Variants in KCNC4 observed in about 807,000 individuals in gnomAD.
KCNC4 encodes the protein potassium voltage-gated channel subfamily C member 4.
KCNC4 carries 23 observed loss-of-function variants against 42.8 expected under a neutral mutation model. The observed-to-expected ratio is 0.54, with a 90% CI of 0.39 to 0.76. KCNC4 has a LOEUF of 0.76. KCNC4 is among the 30% of genes least tolerant of loss of function. The pLI, the probability that KCNC4 is intolerant of heterozygous loss-of-function variation, is 0.00. For synonymous variants in KCNC4, 422 were observed against 393.5 expected, an observed-to-expected ratio of 1.07 and a Z score of -0.86; for missense variants, 751 against 898.2, an observed-to-expected ratio of 0.84 and a Z score of 2.10.
At chr1:110,246,288 T>C (rs1332445598) in exon 4 of KCNC4, 1 of 152,254 alleles carries the variant, frequency 6.6e-6, no homozygotes, top group African/African-American at 2.4e-5. Flanking sequence ...TGCTTTCTTC[T>C]TCCTGTATTT....
intron 1 of KCNC4, among the ~76,000 whole-genome samples, chr1:110,260,170 G>C (rs1047558056): frequency 1.3e-5 from 2 of 152,222 alleles, no homozygotes; most frequent in African/African-American, 4.8e-5. Context: ...AGAAGTCCCT[G>C]AGAATTAAAA....
intron 1 of KCNC4, among the ~76,000 whole-genome samples, chr1:110,280,309 G>A (rs1659800030): frequency 6.6e-6 from 1 of 152,132 alleles, no homozygotes; most frequent in Non-Finnish European, 1.5e-5. Context: ...CCTTCAAACA[G>A]AGAGATTCTG....
intron 1 of KCNC4, among the ~76,000 whole-genome samples, chr1:110,275,157 C>G (rs571067019): frequency 7.9e-5 from 12 of 151,720 alleles, no homozygotes; most frequent in African/African-American, 2.9e-4. Flanking sequence ...CAAACAACAA[C>G]AAAAGCAAAA....
downstream of KCNC4, among the ~76,000 whole-genome samples, chr1:110,283,929 C>T (rs1314751758): frequency 6.6e-6 from 1 of 152,190 alleles, no homozygotes; most frequent in African/African-American, 2.4e-5. Flanking sequence ...GCTGAGGCAT[C>T]ACTAAATGGA....
At chr1:110,230,345 C>T (rs1425469531) in intron 3 of KCNC4, among the ~76,000 whole-genome samples, 1 of 152,178 alleles carries the variant, frequency 6.6e-6, no homozygotes, top group Non-Finnish European at 1.5e-5. Flanking sequence ...GCCTGTGGAA[C>T]AGGATGGAGA....
At chr1:110,260,861 C>T (rs1659412805) in intron 1 of KCNC4, among the ~76,000 whole-genome samples, 2 of 152,096 alleles carry the variant, frequency 1.3e-5, no homozygotes, top group Admixed American at 1.3e-4. Context: ...ACCGGGGAGG[C>T]GGAGCTTGCA....
At chr1:110,214,734 G>GT (rs1208308502) in intron 1 of KCNC4, among the ~76,000 whole-genome samples, 1 of 152,226 alleles carries the variant, frequency 6.6e-6, no homozygotes, top group African/African-American at 2.4e-5. Flanking sequence ...GAACTAGGCT[G>GT]TTTTTGAGGC....
chr1:110,231,419 A>T (rs1360931727), intron 3 of KCNC4, among the ~76,000 whole-genome samples: 1 of 152,190 alleles, frequency 6.6e-6, no homozygotes, highest in African/African-American at 2.4e-5. Flanking sequence ...TGGAGAGTCC[A>T]TGGAAGCCAG....
At chr1:110,276,282 T>C (rs1383096250) in intron 1 of KCNC4, among the ~76,000 whole-genome samples, 2 of 129,026 alleles carry the variant, frequency 1.6e-5, no homozygotes, top group Non-Finnish European at 1.6e-5. Flanking sequence ...GCTGCACTTA[T>C]ATCCTTTCAA....
chr1:110,247,120 G>C (rs1659166596), exon 4 of KCNC4: 1 of 151,904 alleles, frequency 6.6e-6, no homozygotes, highest in Non-Finnish European at 1.5e-5. Flanking sequence ...ACGTGTATGT[G>C]TATCACATTT....
At chr1:110,257,632 A>G (rs1431357507) in intron 1 of KCNC4, among the ~76,000 whole-genome samples, 2 of 149,656 alleles carry the variant, frequency 1.3e-5, no homozygotes, top group African/African-American at 4.9e-5. Context: ...GAGGCAGGAG[A>G]ATGGCGTGAA....
In KCNC4 at chr1:110,226,085, C is replaced by T. The variant is rs754018819; in HGVS notation, c.1726C>T (p.Arg576Cys). ...PTPEERRALR[R>C]STTRDRNKKA... ...CCCCGAGGAGCGCCGGGCCCTGCGA[C>T]GCTCCACCACTCGAGACAGAAACAA... Residue 576 changes from arginine (R) to cysteine (C), a missense_variant, in exon 3 of 4, where the codon CGC (arginine) becomes TGC (cysteine). Around this residue, in one of 4 missense-constraint regions of KCNC4, gnomAD observed 202 missense variants for 181.5 expected, o/e 1.11. Coordinates refer to ENST00000438661, the MANE Select transcript of KCNC4 (RefSeq NM_001039574.3). The T allele has an allele frequency of 7.4e-6, 12 of 1,614,028 alleles. No homozygotes were observed. Among genetic ancestry groups the T allele is most frequent in the African/African-American group, 4.0e-5 (3 of 74,932 alleles).
chr1:110,210,878 G>C lies in KCNC4; in HGVS notation c.-622G>C, dbSNP rs957209190. Among the ~76,000 whole-genome samples the C allele has an allele frequency of 3.3e-5, 5 of 152,188 alleles. No individual in the cohort carries two copies. The highest frequency in any genetic ancestry group is 9.6e-5 in the African/African-American group (4 of 41,458). ...CGCCTGCCTTCCTCGCCCGGCGCTG[G>C]ATTTATGAATGGGGGGAAGAGGCCA... On this transcript the variant is annotated 5_prime_UTR_variant, in exon 1 of 4. Transcript: ENST00000438661.
intron 3 of KCNC4, among the ~76,000 whole-genome samples, chr1:110,230,713 G>C (rs1658651682): frequency 6.6e-6 from 1 of 152,182 alleles, no homozygotes; most frequent in Admixed American, 6.5e-5. Flanking sequence ...ATCCCTCCTG[G>C]CTCTCTGGCT....
Position 110,225,860 on chromosome 1 carries a change from T to C in KCNC4, c.1616-115T>C, listed in dbSNP as rs1571044385. On this transcript the variant is annotated intron_variant, in intron 2 of 3. Coordinates refer to ENST00000438661, the MANE Select transcript of KCNC4 (RefSeq NM_001039574.3). ...GCAATGCTGCCTCTCAGGTAGATGCTAGGCCCCTCCCAAGGTTGAGGAAGT... is the reference window on the plus strand; with the variant it reads ...GCAATGCTGCCTCTCAGGTAGATGCCAGGCCCCTCCCAAGGTTGAGGAAGT... 6 of 988,162 alleles carry C rather than the reference T, an allele frequency of 6.1e-6. No individual in the cohort carries two copies. In the East Asian group the frequency reaches 1.5e-4, roughly 24 times the overall value. 61.2% of individuals were successfully genotyped at this position (988,162 alleles called of 1,614,324 possible).
At chr1:110,260,726 C>T (rs770189681) in intron 1 of KCNC4, among the ~76,000 whole-genome samples, 1 of 152,058 alleles carries the variant, frequency 6.6e-6, no homozygotes, top group East Asian at 1.9e-4. Flanking sequence ...GTCAGGAGAT[C>T]GAGACAATCC....
downstream of KCNC4, chr1:110,238,958 C>T (rs1428043676): frequency 6.6e-6 from 1 of 152,174 alleles, no homozygotes; most frequent in Non-Finnish European, 1.5e-5. Flanking sequence ...GTATTCCAAC[C>T]TATTACCAAG....
chr1:110,238,085 G>A (rs909091358), downstream of KCNC4: 1 of 152,250 alleles, frequency 6.6e-6, no homozygotes, highest in Non-Finnish European at 1.5e-5. Context: ...GCTTTAGGGG[G>A]TGAGGAGAGG....
At chr1:110,273,080 G>A (rs1337798355) in intron 1 of KCNC4, among the ~76,000 whole-genome samples, 1 of 152,186 alleles carries the variant, frequency 6.6e-6, no homozygotes, top group Non-Finnish European at 1.5e-5. Context: ...AGAGGAAGGA[G>A]GAAAGCTTCA....
Sources: gnomAD v4.1 joint callset for allele counts (sites outside exome capture counted in the v4.1 genomes callset) on GRCh38, gnomAD v4.1.1 for gene constraint, gnomAD v4.1.1 regional missense constraint, MANE v1.5 for transcripts, NCBI Gene and HGNC (gene_info 2026-07-23, HGNC 2026-07-21) for gene names.